Variants in AGO3 observed in about 807,000 individuals in gnomAD.
AGO3 encodes argonaute RISC catalytic component 3.
AGO3 carries 16 observed loss-of-function variants against 105.5 expected under a neutral mutation model. The ratio of observed to expected loss-of-function variants is 0.15; its 90% confidence interval spans 0.10 to 0.23. AGO3 has a LOEUF of 0.23. Among genes scored for constraint, AGO3 ranks in the 10% least tolerant of loss-of-function variants. The probability of loss-of-function intolerance (pLI) is 1.00; values close to 1 mark genes in which losing one functional copy is unlikely to be tolerated. For synonymous variants in AGO3, 340 were observed against 367.3 expected, an observed-to-expected ratio of 0.93 and a Z score of 0.85; for missense variants, 534 against 1,088.0, an observed-to-expected ratio of 0.49 and a Z score of 7.16.
chr1:35,990,278 G>C (rs909076987), intron 5 of AGO3, among the ~76,000 whole-genome samples: 2 of 152,142 alleles, frequency 1.3e-5, no homozygotes, highest in African/African-American at 2.4e-5. Context: ...GGAGGCCGAG[G>C]GGGGTGGATC....
intron 5 of AGO3, among the ~76,000 whole-genome samples, chr1:35,991,222 G>A (rs987689759): frequency 1.3e-5 from 2 of 152,086 alleles, no homozygotes; most frequent in Non-Finnish European, 2.9e-5. Flanking sequence ...GAGAACCCAG[G>A]AGGCAGAGGT....
intron 4 of AGO3, among the ~76,000 whole-genome samples, chr1:35,973,048 T>C (rs649152): frequency 6.6e-6 from 1 of 151,390 alleles, no homozygotes; most frequent in East Asian, 1.9e-4. Flanking sequence ...CACATTTATA[T>C]AAATACCTTT....
chr1:35,974,171 T>C (rs767291867), intron 5 of AGO3, among the ~76,000 whole-genome samples: 1 of 152,212 alleles, frequency 6.6e-6, no homozygotes, highest in Non-Finnish European at 1.5e-5. Flanking sequence ...CATTATCATA[T>C]GTAGGAAAAT....
In AGO3 at chr1:35,972,015, C is replaced by T; in HGVS notation, c.313-9C>T. ...AACATTTACCAGTTGACTCTTTTCC[C>T]ATCAACAGGTAGATTTAGACGTTAC... On this transcript the variant is annotated splice_polypyrimidine_tract_variant and intron_variant, in intron 3 of 18. Transcript: ENST00000373191. 6.2e-7 allele frequency: 1 copy of T among 1,610,522 alleles called. No individual in the cohort carries two copies. Among genetic ancestry groups the T allele is most frequent in the Non-Finnish European group, 8.5e-7 (1 of 1,177,386 alleles).
intron 2 of AGO3, among the ~76,000 whole-genome samples, chr1:35,961,210 C>G (rs1329015754): frequency 1.3e-5 from 2 of 152,092 alleles, no homozygotes; most frequent in African/African-American, 4.8e-5. Context: ...CTCGGCCCCC[C>G]AAAGTGGTGG....
At chr1:36,039,392 G>T (rs1569901324) in intron 14 of AGO3, among the ~76,000 whole-genome samples, 1 of 151,686 alleles carries the variant, frequency 6.6e-6, no homozygotes, top group South Asian at 2.1e-4. Context: ...TACTCTGGAG[G>T]CTGAGGCAGG....
In AGO3 at chr1:36,008,754, A is replaced by G. The variant is rs148681750; in HGVS notation, c.858A>G (p.Thr286=). 7.4e-4 allele frequency: 1,192 copies of G among 1,614,146 alleles called. 13 individuals carry two copies. Among genetic ancestry groups the G allele is most frequent in the Non-Finnish European group, 4.8e-5 (57 of 1,180,018 alleles). ...MRRKYRVCNV[T]RRPASHQTFP... is the part of the protein sequence containing the mutation. Reference sequence around the variant, plus strand: ...GGAAATACCGTGTTTGTAATGTAACAAGGAGGCCTGCCAGTCATCAAACGT... The same window carrying G: ...GGAAATACCGTGTTTGTAATGTAACGAGGAGGCCTGCCAGTCATCAAACGT... The change falls in exon 7 of 19, where the codon ACA becomes ACG. Residue 286 remains threonine, a synonymous_variant. Transcript: ENST00000373191. This position sits in a 1 kb window ranked among gnomAD's most constrained non-coding sequence, Gnocchi z 5.1.
intron 14 of AGO3, among the ~76,000 whole-genome samples, chr1:36,037,312 A>G (rs1203836390): frequency 6.6e-6 from 1 of 152,136 alleles, no homozygotes; most frequent in Non-Finnish European, 1.5e-5. Context: ...GCTTGACGTC[A>G]GGAGTTCAAG....
rs145290048 is a variant in AGO3, at chr1:36,018,636, T to C, written c.1406+4588T>C. 6.1e-3 allele frequency among the ~76,000 whole-genome samples: 921 copies of C among 152,110 alleles called. 7 individuals are homozygous for C. Among genetic ancestry groups the C allele is most frequent in the African/African-American group, 0.021 (874 of 41,482 alleles). ...TTAGTAGAGATGGGGTTTCACCATG[T>C]TGGCCAGGATGGTCTCGATCTCCTG... On this transcript the variant is annotated intron_variant, in intron 11 of 18. Transcript: ENST00000373191.
In AGO3 at chr1:36,059,869, T is replaced by A. The variant is rs1196952938; in HGVS notation, c.*4124T>A. 6.6e-6 allele frequency: 1 copy of A among 152,184 alleles called. No homozygotes were observed. Among genetic ancestry groups the A allele is most frequent in the Non-Finnish European group, 1.5e-5 (1 of 68,030 alleles). 9.4% of individuals were successfully genotyped at this position (152,184 alleles called of 1,614,324 possible). A position where few individuals can be genotyped will look rare whatever the true frequency, so the allele number is the denominator to read the frequency against. On this transcript the variant is annotated 3_prime_UTR_variant, in exon 19 of 19. Transcript: ENST00000373191. ...TAGTTTCAATTTAATATCAGGATAT[T>A]CTTTGTTTTAGAAATGTAGATTTTG...
rs1468935584 is a variant in AGO3, at chr1:35,931,206, C to T, written c.-221C>T. The T allele has an allele frequency of 7.4e-6, 3 of 406,326 alleles. No homozygotes were observed. Among genetic ancestry groups the T allele is most frequent in the African/African-American group, 6.2e-5 (3 of 48,648 alleles). The allele number at this position is 406,326 out of a possible 1,614,324, so 25.2% of individuals were successfully genotyped here. The stretch of plus-strand genomic sequence containing the variant: ...GGGACTCCCCTCTGTCCGCGCCTCA[C>T]ATCTCCCCTTCCTCTCGCCTAGTCC... On this transcript the variant is annotated 5_prime_UTR_variant, in exon 1 of 19. Transcript: ENST00000373191.
At chr1:36,050,437 G>A (rs1239444517) in intron 17 of AGO3, among the ~76,000 whole-genome samples, 2 of 151,820 alleles carry the variant, frequency 1.3e-5, no homozygotes, top group Admixed American at 1.3e-4. Flanking sequence ...AGTAAACCAA[G>A]ATCACGCCAC....
chr1:35,960,681 A>G (rs1384921090), intron 2 of AGO3, among the ~76,000 whole-genome samples: 2 of 152,054 alleles, frequency 1.3e-5, no homozygotes, highest in African/African-American at 4.8e-5. Context: ...ATTGTGTCAT[A>G]TTAGTGAGAG....
chr1:35,946,012 G>A (rs759834155), intron 2 of AGO3, 149 bp downstream of exon 2: 2 of 815,890 alleles, frequency 2.5e-6, no homozygotes, highest in Non-Finnish European at 1.8e-6. Context: ...TTGTACTTCA[G>A]GGGTGTGATA....
intron 12 of AGO3, 78 bp from the exon 13 acceptor site, chr1:36,034,096 A>T (rs1569880275): frequency 1.5e-6 from 2 of 1,346,144 alleles, no homozygotes; most frequent in East Asian, 5.2e-5. Context: ...AGGGGGAAAC[A>T]TAGTAGCTTT....
In AGO3 at chr1:36,051,970, A is replaced by G. The variant is rs909602341; in HGVS notation, c.2275-2976A>G. Among the ~76,000 whole-genome samples the G allele has an allele frequency of 7.9e-5, 12 of 152,312 alleles. No individual in the cohort carries two copies. In the Middle Eastern group the frequency reaches 0.01, roughly 130 times the overall value. ...GAACTCATATGCACTATTGGTGGCA[A>G]TGTACATTAGTACAGCCATTAGGGA... On this transcript the variant is annotated intron_variant, in intron 17 of 18. Coordinates refer to ENST00000373191, the MANE Select transcript of AGO3 (RefSeq NM_024852.4).
chr1:36,005,759 G>A (rs1339338897), intron 6 of AGO3: 14 of 985,220 alleles, frequency 1.4e-5, no homozygotes, highest in Admixed American at 6.2e-5. Context: ...ACTGCTGCCC[G>A]AAGAGCATGG....
intron 1 of AGO3, among the ~76,000 whole-genome samples, chr1:35,932,665 A>G (rs1257528178): frequency 1.3e-5 from 2 of 151,676 alleles, no homozygotes; most frequent in Non-Finnish European, 2.9e-5. Flanking sequence ...ATATCGTCTT[A>G]AAAGGTCTGT....
chr1:36,007,312 A>T (rs756431378), intron 6 of AGO3, among the ~76,000 whole-genome samples: 43 of 152,216 alleles, frequency 2.8e-4, no homozygotes, highest in Admixed American at 1.8e-3. Flanking sequence ...AACTTTAGAA[A>T]GGAGTTGCTT....
Sources: allele counts gnomAD v4.1 joint callset (sites outside exome capture counted in the v4.1 genomes callset), GRCh38; gene constraint gnomAD v4.1.1; non-coding constraint Gnocchi (gnomAD v3.1); transcripts MANE v1.5; gene names NCBI Gene and HGNC (gene_info 2026-07-23, HGNC 2026-07-21).